The following MFHAS1 variants were observed in gnomAD, a reference collection of about 807,000 sequenced individuals.
MFHAS1 encodes malignant fibrous histiocytoma-amplified sequence 1.
In MFHAS1, 50 loss-of-function variants were observed where a neutral mutation model predicts 70.4. The ratio of observed to expected loss-of-function variants is 0.71; its 90% confidence interval spans 0.57 to 0.90. MFHAS1 has a LOEUF of 0.90. Ranked by LOEUF, MFHAS1 falls within the 40% of genes least tolerant of loss-of-function variation. MFHAS1 has a pLI of 0.00. For missense variants in MFHAS1, 1,795 were observed against 1,347.6 expected (o/e 1.33, Z -5.20); for synonymous variants, 952 against 620.0 (o/e 1.54, Z -7.96).
intron 1 of MFHAS1, among the ~76,000 whole-genome samples, chr8:8,861,579 T>C (rs1222082582): frequency 3.3e-5 from 5 of 152,186 alleles, no homozygotes; most frequent in Non-Finnish European, 7.3e-5. Context: ...TAACAAGATA[T>C]AATAAAGGCA....
chr8:8,884,885 C>A (rs1413495392), intron 1 of MFHAS1, among the ~76,000 whole-genome samples: 1 of 152,016 alleles, frequency 6.6e-6, no homozygotes, highest in Non-Finnish European at 1.5e-5. Context: ...CCCAAGAGGT[C>A]GAGGCTGCAG....
At chr8:8,823,394 G>A (rs952161740) in intron 1 of MFHAS1, among the ~76,000 whole-genome samples, 11 of 152,070 alleles carry the variant, frequency 7.2e-5, no homozygotes, top group African/African-American at 2.4e-4. Context: ...ACGGGGCCCC[G>A]CGCTCCGATC....
In MFHAS1 at chr8:8,797,391, C is replaced by G. The variant is rs146481883; in HGVS notation, c.3099G>C (p.Thr1033=). 2.5e-6 allele frequency: 4 copies of G among 1,613,962 alleles called. No homozygotes were observed. Among genetic ancestry groups the G allele is most frequent in the Non-Finnish European group, 3.4e-6 (4 of 1,179,966 alleles). Residue 1033 remains threonine, a synonymous_variant, in exon 2 of 3, where the codon ACG becomes ACC. Transcript: ENST00000276282. ...TGGAACAGGGGCTGATCACAGTCGG[C>G]GTGGGTGGGTAAACCAAGGCAACAT... ...RVNVALVYPP[T]PTVISPCSKK... is the part of the protein sequence containing the mutation.
At chr8:8,824,864 G>A (rs1409421163) in intron 1 of MFHAS1, among the ~76,000 whole-genome samples, 4 of 152,232 alleles carry the variant, frequency 2.6e-5, no homozygotes, top group East Asian at 1.9e-4. Flanking sequence ...TGTGCACAGC[G>A]ATCGCACCCT....
chr8:8,875,794 T>C (rs547469441), intron 1 of MFHAS1, among the ~76,000 whole-genome samples: 20 of 152,306 alleles, frequency 1.3e-4, no homozygotes, highest in African/African-American at 4.6e-4. Flanking sequence ...GGTTTCACCA[T>C]GTCAGACTGC....
intron 1 of MFHAS1, among the ~76,000 whole-genome samples, chr8:8,834,455 T>C (rs1585042479): frequency 6.6e-6 from 1 of 152,204 alleles, no homozygotes; most frequent in South Asian, 2.1e-4. Context: ...CCTATACAAG[T>C]GCACCATTTT....
At chr8:8,803,372 C>T (rs1806149986) in intron 1 of MFHAS1, among the ~76,000 whole-genome samples, 1 of 151,580 alleles carries the variant, frequency 6.6e-6, no homozygotes, top group East Asian at 2.0e-4. Flanking sequence ...TGAAAATTAG[C>T]CAGGGATGGT....
chr8:8,816,363 CTATCACCAAGAAA>C (rs1247511002), intron 1 of MFHAS1, among the ~76,000 whole-genome samples: 1 of 152,202 alleles, frequency 6.6e-6, no homozygotes, highest in African/African-American at 2.4e-5. Context: ...AAAACCTAAA[CTATCACCAAGAAA>C]TATCAATTGG....
chr8:8,889,265 A>C lies in MFHAS1; in HGVS notation c.2998+796T>G, dbSNP rs1180793589. Among the ~76,000 whole-genome samples the C allele has an allele frequency of 2.0e-5, 3 of 152,152 alleles. No homozygotes were observed. The East Asian group carries it at 5.8e-4, about 29-fold the overall frequency. On this transcript the variant is annotated intron_variant, in intron 1 of 2. Transcript: ENST00000276282. ...TCTATAAAACTCGAAACTGCCAGGA[A>C]ATTCCCGAGGAAACGCCCCTCAAAG...
Position 8,891,381 on chromosome 8 carries a change from G to C in MFHAS1, c.1678C>G (p.Leu560Val). 2 of 1,611,834 alleles carry C rather than the reference G, an allele frequency of 1.2e-6. No individual in the cohort carries two copies. Among genetic ancestry groups the C allele is most frequent in the Non-Finnish European group, 8.5e-7 (1 of 1,180,022 alleles). ...KCLDIHRQIA[L>V]QEKHDAEGLS... is the part of the protein sequence containing the mutation. ...CCCTCCGCGTCGTGCTTCTCCTGCA[G>C]GGCGATCTGGCGGTGAATGTCCAGA... is the stretch of plus-strand genomic sequence containing the variant. The change falls in exon 1 of 3, where the codon CTG becomes GTG. Residue 560 changes from leucine (L) to valine (V), a missense_variant. Transcript: ENST00000276282. The surrounding 1 kb of genome is among the most constrained non-coding windows in gnomAD (Gnocchi z 5.4).
intron 2 of MFHAS1, among the ~76,000 whole-genome samples, chr8:8,789,116 G>C (rs1805645202): frequency 6.6e-6 from 1 of 151,778 alleles, no homozygotes; most frequent in African/African-American, 2.4e-5. Flanking sequence ...AACCTTGGCA[G>C]AGACGGGGGA....
intron 1 of MFHAS1, among the ~76,000 whole-genome samples, chr8:8,823,709 G>T (rs939460423): frequency 4.0e-5 from 6 of 149,660 alleles, no homozygotes; most frequent in African/African-American, 1.5e-4. Flanking sequence ...TTTGACACAG[G>T]TAATGAACCC....
rs555950470 is a variant in MFHAS1 at position 8,806,489 on chromosome 8, T to G, written c.2999-8998A>C. Among the ~76,000 whole-genome samples the G allele has an allele frequency of 3.0e-4, 45 of 152,332 alleles. 1 individual carries two copies. In the South Asian group the frequency reaches 8.9e-3, roughly 30 times the overall value. On this transcript the variant is annotated intron_variant, in intron 1 of 2. Coordinates refer to ENST00000276282, the MANE Select transcript of MFHAS1 (RefSeq NM_004225.3). Reference sequence around the variant, plus strand: ...CTAAGAAGGGCTTTATTTTTGGTTCTAAAAGACAGAACAATAGCAAAGTAA... The same window carrying G: ...CTAAGAAGGGCTTTATTTTTGGTTCGAAAAGACAGAACAATAGCAAAGTAA...
chr8:8,856,311 T>C (rs1268150020), intron 1 of MFHAS1, among the ~76,000 whole-genome samples: 1 of 152,202 alleles, frequency 6.6e-6, no homozygotes, highest in Non-Finnish European at 1.5e-5. Flanking sequence ...GTCTTTCTCA[T>C]GGCACTGGGG....
chr8:8,803,809 T>C (rs987913435), intron 1 of MFHAS1, among the ~76,000 whole-genome samples: 1 of 151,908 alleles, frequency 6.6e-6, no homozygotes, highest in Non-Finnish European at 1.5e-5. Context: ...TCGGCTCTAC[T>C]AAAAAAACAA....
intron 2 of MFHAS1, among the ~76,000 whole-genome samples, chr8:8,788,764 G>A (rs1223643544): frequency 6.6e-6 from 1 of 152,210 alleles, no homozygotes; most frequent in Non-Finnish European, 1.5e-5. Context: ...CTCCCCAGAG[G>A]AGCTGACATA....
intron 1 of MFHAS1, among the ~76,000 whole-genome samples, chr8:8,831,449 C>T (rs909999286): frequency 3.3e-5 from 5 of 152,050 alleles, no homozygotes; most frequent in Non-Finnish European, 5.9e-5. Context: ...ATCTGGAAAG[C>T]TAAGCAGGGT....
At chr8:8,860,898 C>A (rs61340036) in intron 1 of MFHAS1, among the ~76,000 whole-genome samples, 2 of 152,260 alleles carry the variant, frequency 1.3e-5, no homozygotes, top group East Asian at 1.9e-4. Context: ...TGTATACATA[C>A]GTATACAAAC....
intron 1 of MFHAS1, among the ~76,000 whole-genome samples, chr8:8,820,831 G>C (rs1044402418): frequency 7.2e-5 from 11 of 152,224 alleles, no homozygotes; most frequent in South Asian, 6.2e-4. Context: ...GGCCAAAGCT[G>C]TGCTGCCATT....
Sources: gnomAD v4.1 joint callset for allele counts (sites outside exome capture counted in the v4.1 genomes callset) on GRCh38, gnomAD v4.1.1 for gene constraint, Gnocchi (gnomAD v3.1) non-coding constraint, MANE v1.5 for transcripts, NCBI Gene and HGNC (gene_info 2026-07-23, HGNC 2026-07-21) for gene names.